The following MAP4K4 variants were observed in gnomAD, a reference collection of about 807,000 sequenced individuals.
MAP4K4 encodes the protein HPK/GCK-like kinase HGK.
MAP4K4 carries 38 observed loss-of-function variants against 189.6 expected under a neutral mutation model. The observed-to-expected ratio is 0.20, with a 90% confidence interval of 0.15 to 0.26. MAP4K4 has a LOEUF of 0.26. MAP4K4 is among the 10% of genes least tolerant of loss of function. The probability of loss-of-function intolerance (pLI) is 1.00; values close to 1 mark genes in which losing one functional copy is unlikely to be tolerated. For synonymous variants in MAP4K4, 610 were observed against 624.3 expected (o/e 0.98, Z 0.34); for missense variants, 1,054 against 1,726.9 (o/e 0.61, Z 6.91).
At chr2:101,864,803 G>A (rs1329597232) in intron 17 of MAP4K4, 127 bp from the exon 18 acceptor site, 2 of 641,292 alleles carry the variant, frequency 3.1e-6, no homozygotes, top group Non-Finnish European at 5.6e-6. Context: ...TTGGGGTGGG[G>A]AGTGGAGGTG....
intron 2 of MAP4K4, among the ~76,000 whole-genome samples, chr2:101,751,959 T>G (rs1380255496): frequency 6.6e-6 from 1 of 152,172 alleles, no homozygotes; most frequent in Non-Finnish European, 1.5e-5. Context: ...TTCTACTGTT[T>G]CCTTATCAAT....
Position 101,855,972 on chromosome 2 carries a change from C to T in MAP4K4, c.1234-5C>T, listed in dbSNP as rs976382764. 2.2e-5 allele frequency: 34 copies of T among 1,540,908 alleles called. No homozygotes were observed. Among genetic ancestry groups the T allele is most frequent in the East Asian group, 4.9e-5 (2 of 41,014 alleles). ...CCTGGTAATTATACATTTTTACTTA[C>T]GTAGCAACAAAGGAGAGAGCGGGAA... On this transcript the variant is annotated splice_region_variant and splice_polypyrimidine_tract_variant and intron_variant, in intron 12 of 32. Transcript: ENST00000324219.
chr2:101,812,910 G>A (rs539870247), intron 3 of MAP4K4, among the ~76,000 whole-genome samples: 85 of 152,234 alleles, frequency 5.6e-4, no homozygotes, highest in South Asian at 2.5e-3. Flanking sequence ...GGCGGATCAC[G>A]AAGTCAGGAG....
intron 2 of MAP4K4, among the ~76,000 whole-genome samples, chr2:101,718,213 G>A (rs988661711): frequency 1.0e-4 from 15 of 147,668 alleles, no homozygotes; most frequent in Admixed American, 7.5e-4. Context: ...CCAAGATCGC[G>A]CCATTGCACT....
intron 2 of MAP4K4, among the ~76,000 whole-genome samples, chr2:101,741,063 C>G (rs2062531609): frequency 6.6e-6 from 1 of 151,798 alleles, no homozygotes; most frequent in Non-Finnish European, 1.5e-5. Context: ...GAATCAAATT[C>G]AACTTTGATG....
At chr2:101,714,677 A>C (rs1015832697) in intron 2 of MAP4K4, among the ~76,000 whole-genome samples, 1 of 152,254 alleles carries the variant, frequency 6.6e-6, no homozygotes. Flanking sequence ...AATCATGTGC[A>C]GAATTCATTT....
At chr2:101,791,224 C>T (rs961261999) in intron 3 of MAP4K4, among the ~76,000 whole-genome samples, 11 of 151,758 alleles carry the variant, frequency 7.2e-5, no homozygotes, top group Non-Finnish European at 1.5e-4. Context: ...AGCCAAGTTC[C>T]CAGAGGTTGG....
chr2:101,759,782 C>A (rs1234756591), intron 2 of MAP4K4, among the ~76,000 whole-genome samples: 3 of 93,680 alleles, frequency 3.2e-5, no homozygotes. Context: ...CCATCCTCTC[C>A]CCCTCCCTTC....
In MAP4K4 at chr2:101,775,223, A is replaced by G. The variant is rs544688503; in HGVS notation, c.124-15497A>G. Among the ~76,000 whole-genome samples, 8 of 151,888 alleles carry G rather than the reference A, an allele frequency of 5.3e-5. No homozygotes were observed. The South Asian group carries it at 6.2e-4, about 12-fold the overall frequency. ...ATGAGTTTCTGGGGACAGCTGGCCT[A>G]TATCCACAAAGAACAACATGGGGTG... On this transcript the variant is annotated intron_variant, in intron 2 of 32. Transcript: ENST00000324219.
At chr2:101,770,888 G>T (rs2081107712) in intron 2 of MAP4K4, among the ~76,000 whole-genome samples, 1 of 152,150 alleles carries the variant, frequency 6.6e-6, no homozygotes, top group Non-Finnish European at 1.5e-5. Context: ...GAATCTAGAT[G>T]AATGTGGTTC....
intron 2 of MAP4K4, among the ~76,000 whole-genome samples, chr2:101,746,290 ATTT>A (rs199987833): frequency 6.1e-5 from 8 of 132,010 alleles, no homozygotes; most frequent in African/African-American, 1.1e-4. Flanking sequence ...CCTGGCCCTG[ATTT>A]TTTTTTTTTT....
At chr2:101,713,874 A>G (rs2046987467) in intron 2 of MAP4K4, among the ~76,000 whole-genome samples, 2 of 152,142 alleles carry the variant, frequency 1.3e-5, no homozygotes, top group Non-Finnish European at 2.9e-5. Flanking sequence ...AGCCTGGGTG[A>G]CAGAGCGAGA....
chr2:101,801,516 G>C (rs918289641), intron 3 of MAP4K4, among the ~76,000 whole-genome samples: 4 of 152,180 alleles, frequency 2.6e-5, no homozygotes, highest in Non-Finnish European at 4.4e-5. Flanking sequence ...GGAGATGGCA[G>C]TACAAGCAGC....
chr2:101,738,381 A>G (rs2061329077), intron 2 of MAP4K4, among the ~76,000 whole-genome samples: 1 of 152,198 alleles, frequency 6.6e-6, no homozygotes, highest in African/African-American at 2.4e-5. Context: ...TGAGAAAGAA[A>G]GGCCTTCAGT....
intron 2 of MAP4K4, among the ~76,000 whole-genome samples, chr2:101,742,389 C>A (rs2063232855): frequency 6.6e-6 from 1 of 152,060 alleles, no homozygotes. Context: ...TTTCCTTAAG[C>A]CTTTAGAATA....
chr2:101,864,909 T>C (rs753122296), intron 17 of MAP4K4, 21 bp from the exon 18 acceptor site: 4 of 1,408,660 alleles, frequency 2.8e-6, no homozygotes, highest in Non-Finnish European at 3.9e-6. Flanking sequence ...ATAATTTAAT[T>C]GCTATATTTT....
At chr2:101,773,377 G>A (rs1269944093) in intron 2 of MAP4K4, among the ~76,000 whole-genome samples, 1 of 152,204 alleles carries the variant, frequency 6.6e-6, no homozygotes, top group African/African-American at 2.4e-5. Flanking sequence ...AAAATAGGCC[G>A]AAGGCCCAGA....
chr2:101,707,693 G>GT (rs1328796064), intron 2 of MAP4K4, among the ~76,000 whole-genome samples: 2,336 of 67,330 alleles, frequency 0.035, 48 homozygotes, highest in African/African-American at 0.059. Context: ...TTTTTTTTTT[G>GT]TTTTTTTTTT....
At chr2:101,814,430 T>C (rs1045303350) in intron 3 of MAP4K4, among the ~76,000 whole-genome samples, 1 of 152,250 alleles carries the variant, frequency 6.6e-6, no homozygotes, top group Admixed American at 6.5e-5. Context: ...TTCCAGAGAC[T>C]TCTCCAGGCA....
Sources: gnomAD v4.1 joint callset for allele counts (sites outside exome capture counted in the v4.1 genomes callset) on GRCh38, gnomAD v4.1.1 for gene constraint, MANE v1.5 for transcripts, NCBI Gene and HGNC (gene_info 2026-07-23, HGNC 2026-07-21) for gene names.